The following CCDC6 variants were observed in gnomAD, a reference collection of about 807,000 sequenced individuals.
The protein encoded by CCDC6 is coiled-coil domain-containing protein 6.
CCDC6 carries 20 observed loss-of-function variants against 56.6 expected under a neutral mutation model. That is an observed-to-expected ratio of 0.35 (90% CI 0.25 to 0.51). The LOEUF is 0.51. CCDC6 is among the 20% of genes least tolerant of loss of function. CCDC6 has a pLI of 0.95. For missense variants in CCDC6, 367 were observed against 601.1 expected (o/e 0.61, Z 4.07); for synonymous variants, 241 against 234.4 (o/e 1.03, Z -0.26).
rs2070474338 is a variant in CCDC6, at chr10:59,792,223, C to T, written c.*694G>A. 3.7e-6 allele frequency: 1 copy of T among 270,968 alleles called. No individual in the cohort carries two copies. The highest frequency in any genetic ancestry group is 7.1e-6 in the Non-Finnish European group (1 of 140,554). 16.8% of individuals were successfully genotyped at this position (270,968 alleles called of 1,614,324 possible). A position where few individuals can be genotyped will look rare whatever the true frequency, so the allele number is the denominator to read the frequency against. On this transcript the variant is annotated 3_prime_UTR_variant, in exon 9 of 9. Transcript: ENST00000263102. The stretch of plus-strand genomic sequence containing the variant: ...ACATTAAGGATAAAAAAGAGAATCA[C>T]ATCTTAATATACGATAATTATCCAT...
intron 1 of CCDC6, among the ~76,000 whole-genome samples, chr10:59,902,380 C>T (rs940367137): frequency 7.0e-6 from 1 of 143,208 alleles, no homozygotes; most frequent in Non-Finnish European, 1.5e-5. Flanking sequence ...TGGTGAGCAA[C>T]AGTAACTCTT....
intron 5 of CCDC6, among the ~76,000 whole-genome samples, chr10:59,809,079 G>C (rs55793986): frequency 2.6e-5 from 4 of 152,120 alleles, no homozygotes; most frequent in African/African-American, 9.7e-5. Context: ...TAAATTATTT[G>C]ATCCCAAATA....
At chr10:59,858,713 C>A (rs1446965206) in intron 1 of CCDC6, among the ~76,000 whole-genome samples, 1 of 152,210 alleles carries the variant, frequency 6.6e-6, no homozygotes, top group Non-Finnish European at 1.5e-5. Flanking sequence ...AACACTCAAC[C>A]TGGTCCATAC....
intron 1 of CCDC6, among the ~76,000 whole-genome samples, chr10:59,881,706 T>C (rs572311905): frequency 3.3e-5 from 5 of 152,324 alleles, no homozygotes; most frequent in Admixed American, 1.3e-4. Flanking sequence ...AAAACTTCGC[T>C]GAACATCCTG....
intron 1 of CCDC6, among the ~76,000 whole-genome samples, chr10:59,880,520 AG>A (rs920069678): frequency 1.3e-5 from 2 of 152,224 alleles, no homozygotes; most frequent in African/African-American, 2.4e-5. Flanking sequence ...AATGGCCGGA[AG>A]GGGGCACAGT....
chr10:59,790,855 G>T lies in CCDC6; in HGVS notation c.*2062C>A. The T allele has an allele frequency of 4.8e-6, 1 of 210,110 alleles. No homozygotes were observed. The highest frequency in any genetic ancestry group is 9.7e-6 in the Non-Finnish European group (1 of 103,220). 13.0% of individuals were successfully genotyped at this position (210,110 alleles called of 1,614,324 possible). On this transcript the variant is annotated 3_prime_UTR_variant, in exon 9 of 9. Transcript: ENST00000263102. The stretch of plus-strand genomic sequence containing the variant: ...TGTGCTTTCAAGAGGTAACTAAATC[G>T]ATAGGAAGCTGAGGGAAGATCATTC...
chr10:59,846,770 T>C (rs544342776), intron 2 of CCDC6, among the ~76,000 whole-genome samples: 1 of 152,318 alleles, frequency 6.6e-6, no homozygotes, highest in South Asian at 2.1e-4. Flanking sequence ...TTAAGATATA[T>C]GTAATATGCA....
Position 59,806,948 on chromosome 10 carries a change from C to T in CCDC6, c.978G>A (p.Glu326=), listed in dbSNP as rs140516576. 1 of 1,614,028 alleles carries T rather than the reference C, an allele frequency of 6.2e-7. No individual in the cohort carries two copies. The highest frequency in any genetic ancestry group is 1.3e-5 in the African/African-American group (1 of 75,030). ...TTTCGTCGTCCATTTCTAAGCTGGA[C>T]TCACTCTCGGAGAGCTGTCGACAGA... ...EALCRQLSES[E]SSLEMDDERY... Residue 326 remains glutamate, a synonymous_variant, in exon 6 of 9, where the codon GAG becomes GAA. Transcript: ENST00000263102.
At chr10:59,828,491 G>T (rs574533359) in intron 3 of CCDC6, among the ~76,000 whole-genome samples, 73 of 152,306 alleles carry the variant, frequency 4.8e-4, no homozygotes, top group African/African-American at 1.7e-3. Context: ...TGTTTGAACA[G>T]GAAAGCAGTA....
rs138156282 is a variant in CCDC6, at chr10:59,838,812, G to A, written c.454-6159C>T. The stretch of plus-strand genomic sequence containing the variant: ...TCTGCCCACATGCCCCACTCATGCT[G>A]TGCCTCTGCCTATAGGGTCTGAATC... On this transcript the variant is annotated intron_variant, in intron 2 of 8. Coordinates refer to ENST00000263102, the MANE Select transcript of CCDC6 (RefSeq NM_005436.5). Among the ~76,000 whole-genome samples, 279 of 152,252 alleles carry A rather than the reference G, an allele frequency of 1.8e-3. 2 individuals are homozygous for A. Among genetic ancestry groups the A allele is most frequent in the African/African-American group, 6.3e-3 (262 of 41,544 alleles).
chr10:59,895,774 A>T (rs2071457420), intron 1 of CCDC6, among the ~76,000 whole-genome samples: 1 of 152,194 alleles, frequency 6.6e-6, no homozygotes, highest in South Asian at 2.1e-4. Context: ...GTCATGCCTG[A>T]TAAGAGTGTC....
In CCDC6 at chr10:59,889,545, T is replaced by C. The variant is rs1318731711; in HGVS notation, c.303+16577A>G. ...CAAACACAGTCAGTTCCATATTCAT[T>C]CATTTCTTCCTGGGCCAGCCCTGGG... On this transcript the variant is annotated intron_variant, in intron 1 of 8. Coordinates refer to ENST00000263102, the MANE Select transcript of CCDC6 (RefSeq NM_005436.5). Among the ~76,000 whole-genome samples the C allele has an allele frequency of 2.0e-5, 3 of 152,156 alleles. No individual in the cohort carries two copies. The East Asian group carries it at 5.8e-4, about 29-fold the overall frequency.
At chr10:59,901,293 A>G (rs2071502400) in intron 1 of CCDC6, among the ~76,000 whole-genome samples, 1 of 152,248 alleles carries the variant, frequency 6.6e-6, no homozygotes, top group South Asian at 2.1e-4. Context: ...GGGGGGAAAA[A>G]AGACATCACA....
chr10:59,806,187 C>A (rs1207770558), intron 6 of CCDC6, among the ~76,000 whole-genome samples: 4 of 152,336 alleles, frequency 2.6e-5, no homozygotes, highest in South Asian at 2.1e-4. Flanking sequence ...GGTTTCTCTG[C>A]AGATTGAACA....
intron 1 of CCDC6, among the ~76,000 whole-genome samples, chr10:59,881,890 A>T (rs968878252): frequency 6.6e-6 from 1 of 152,222 alleles, no homozygotes; most frequent in Admixed American, 6.5e-5. Context: ...GGCACACTGA[A>T]TACTTACGAA....
At chr10:59,804,554 C>A (rs758440288) in intron 6 of CCDC6, 34 bp from the exon 7 acceptor site, 63 of 1,258,334 alleles carry the variant, frequency 5.0e-5, no homozygotes, top group Non-Finnish European at 7.0e-5. Context: ...ATAAAACCAC[C>A]TGCATTTAAA....
intron 7 of CCDC6, among the ~76,000 whole-genome samples, chr10:59,798,991 C>T (rs1171112975): frequency 2.7e-4 from 21 of 76,978 alleles, no homozygotes; most frequent in South Asian, 5.5e-4. Flanking sequence ...AAGACTGTTT[C>T]AAAAAAAAAA....
At chr10:59,802,501 T>G (rs548242642) in intron 7 of CCDC6, among the ~76,000 whole-genome samples, 1 of 152,338 alleles carries the variant, frequency 6.6e-6, no homozygotes, top group African/African-American at 2.4e-5. Context: ...AGCACTACAA[T>G]GTACTAGATC....
At chr10:59,815,962 T>C (rs1017886024) in intron 3 of CCDC6, among the ~76,000 whole-genome samples, 1 of 152,260 alleles carries the variant, frequency 6.6e-6, no homozygotes, top group African/African-American at 2.4e-5. Context: ...GTTTTACTTT[T>C]ACAGCCAAAT....
Sources: allele counts gnomAD v4.1 joint callset (sites outside exome capture counted in the v4.1 genomes callset), GRCh38; gene constraint gnomAD v4.1.1; transcripts MANE v1.5; gene names NCBI Gene and HGNC (gene_info 2026-07-23, HGNC 2026-07-21).